The following CSMD1 variants were observed in gnomAD, a reference collection of about 807,000 sequenced individuals.
CSMD1 encodes the protein CUB and Sushi multiple domains 1.
CSMD1 carries 213 observed loss-of-function variants against 417.5 expected under a neutral mutation model. The observed-to-expected ratio is 0.51, with a 90% CI of 0.46 to 0.57. The LOEUF is 0.57. CSMD1 is among the 20% of genes least tolerant of loss of function. CSMD1 has a pLI of 0.00. For synonymous variants in CSMD1, 2,862 were observed against 1,736.8 expected (o/e 1.65, Z -16.11); for missense variants, 6,923 against 4,529.7 (o/e 1.53, Z -15.17).
intron 5 of CSMD1, among the ~76,000 whole-genome samples, chr8:3,974,436 G>C (rs540456601): frequency 1.8e-4 from 27 of 151,688 alleles, no homozygotes; most frequent in Non-Finnish European, 3.7e-4. Context: ...ATTCATAAGG[G>C]TATGTGCAAA....
At chr8:3,371,241 G>C (rs1032255391) in intron 18 of CSMD1, among the ~76,000 whole-genome samples, 1 of 152,118 alleles carries the variant, frequency 6.6e-6, no homozygotes, top group South Asian at 2.1e-4. Context: ...TCCTGGTTCT[G>C]TTTCTCTGGA....
At chr8:3,083,516 G>C (rs1406645776) in intron 49 of CSMD1, among the ~76,000 whole-genome samples, 1 of 145,206 alleles carries the variant, frequency 6.9e-6, no homozygotes, top group Non-Finnish European at 1.5e-5. Context: ...TTGCACATCA[G>C]TAAGGAAGTC....
chr8:3,670,674 GTT>G (rs1798955449), intron 7 of CSMD1, among the ~76,000 whole-genome samples: 1 of 144,326 alleles, frequency 6.9e-6, no homozygotes, highest in Admixed American at 6.9e-5. Context: ...TATGTACATG[GTT>G]ATATATGTAT....
intron 52 of CSMD1, among the ~76,000 whole-genome samples, chr8:3,012,855 C>A (rs968071137): frequency 6.6e-6 from 1 of 152,104 alleles, no homozygotes; most frequent in East Asian, 1.9e-4. Flanking sequence ...TTGTAATAAT[C>A]CCCACCTGTC....
chr8:3,074,499 C>T (rs569109449), intron 49 of CSMD1, among the ~76,000 whole-genome samples: 2 of 152,282 alleles, frequency 1.3e-5, no homozygotes, highest in African/African-American at 4.8e-5. Flanking sequence ...AGAAGCAAGC[C>T]GTCACACCTG....
chr8:3,172,325 A>G (rs796093594), intron 37 of CSMD1, among the ~76,000 whole-genome samples: 19 of 152,168 alleles, frequency 1.2e-4, no homozygotes, highest in African/African-American at 4.3e-4. Flanking sequence ...TGCTTTGGCT[A>G]CAGCGTTTTT....
At chr8:2,950,022 G>A (rs1802515943) in intron 67 of CSMD1, among the ~76,000 whole-genome samples, 1 of 152,114 alleles carries the variant, frequency 6.6e-6, no homozygotes, top group South Asian at 2.1e-4. Flanking sequence ...AGGATGGCCA[G>A]TTCATTGCTT....
intron 5 of CSMD1, among the ~76,000 whole-genome samples, chr8:3,776,334 G>A (rs1563068608): frequency 6.6e-6 from 1 of 152,096 alleles, no homozygotes; most frequent in Non-Finnish European, 1.5e-5. Flanking sequence ...ATTGCACCTT[G>A]AAGCGACACT....
chr8:4,108,441 T>C (rs1801682622), intron 3 of CSMD1, among the ~76,000 whole-genome samples: 1 of 152,216 alleles, frequency 6.6e-6, no homozygotes, highest in South Asian at 2.1e-4. Context: ...GTTCATCATT[T>C]GCTCATGAAG....
chr8:4,504,206 A>G (rs1347549133), intron 2 of CSMD1, among the ~76,000 whole-genome samples: 1 of 152,178 alleles, frequency 6.6e-6, no homozygotes, highest in East Asian at 1.9e-4. Flanking sequence ...AGGTCATTAT[A>G]CTGTGTGAAC....
At chr8:4,398,283 G>A (rs545274233) in intron 3 of CSMD1, among the ~76,000 whole-genome samples, 5 of 152,202 alleles carry the variant, frequency 3.3e-5, no homozygotes, top group African/African-American at 1.2e-4. Context: ...CTACTTCGGG[G>A]TGGACAATCG....
chr8:4,353,431 A>C (rs763511836), intron 3 of CSMD1, among the ~76,000 whole-genome samples: 1 of 152,126 alleles, frequency 6.6e-6, no homozygotes, highest in Non-Finnish European at 1.5e-5. Flanking sequence ...TAAATTACCT[A>C]TTCTCGAGTA....
chr8:4,350,457 G>A (rs757029072), intron 3 of CSMD1, among the ~76,000 whole-genome samples: 1 of 152,198 alleles, frequency 6.6e-6, no homozygotes, highest in Non-Finnish European at 1.5e-5. Context: ...CAAACCACAT[G>A]ATACTCTTTG....
intron 3 of CSMD1, among the ~76,000 whole-genome samples, chr8:4,126,564 A>C (rs1346235735): frequency 2.6e-5 from 4 of 152,168 alleles, no homozygotes; most frequent in Admixed American, 2.6e-4. Context: ...CAATTGTGGG[A>C]TGGAGACTGG....
At chr8:4,197,093 A>T (rs1799380693) in intron 3 of CSMD1, among the ~76,000 whole-genome samples, 1 of 152,214 alleles carries the variant, frequency 6.6e-6, no homozygotes, top group Non-Finnish European at 1.5e-5. Context: ...AAACATCAAG[A>T]TGAAGACAAT....
chr8:3,956,108 T>G (rs1321279654), intron 5 of CSMD1, among the ~76,000 whole-genome samples: 1 of 152,242 alleles, frequency 6.6e-6, no homozygotes, highest in Non-Finnish European at 1.5e-5. Context: ...GTTTCCTTTC[T>G]AACCCTTTTA....
chr8:3,943,481 G>C (rs192148542), intron 5 of CSMD1, among the ~76,000 whole-genome samples: 1 of 150,412 alleles, frequency 6.6e-6, no homozygotes, highest in African/African-American at 2.4e-5. Context: ...CAGTCAGTGG[G>C]TGCTGAAATT....
intron 3 of CSMD1, among the ~76,000 whole-genome samples, chr8:4,217,906 AAAG>A (rs528454666): frequency 7.9e-4 from 120 of 152,292 alleles, no homozygotes; most frequent in African/African-American, 2.6e-3. Flanking sequence ...GAGACTATGC[AAAG>A]AAGAAGAACA....
intron 26 of CSMD1, among the ~76,000 whole-genome samples, chr8:3,264,814 C>G (rs1327544669): frequency 1.3e-5 from 2 of 151,978 alleles, no homozygotes; most frequent in Admixed American, 6.6e-5. Flanking sequence ...TCTGTTTTGC[C>G]TACTGTAAAA....
Sources: gnomAD v4.1 joint callset for allele counts (sites outside exome capture counted in the v4.1 genomes callset) on GRCh38, gnomAD v4.1.1 for gene constraint, MANE v1.5 for transcripts, NCBI Gene and HGNC (gene_info 2026-07-23, HGNC 2026-07-21) for gene names.